Variants in DOCK1 observed in about 807,000 individuals in gnomAD.
DOCK1 encodes dedicator of cytokinesis protein 1.
Under a neutral mutation model 262.7 loss-of-function variants are expected in DOCK1, and 138 were observed. The ratio of observed to expected loss-of-function variants is 0.53; its 90% CI spans 0.46 to 0.61. The LOEUF is 0.61. Ranked by LOEUF, DOCK1 falls within the 20% of genes least tolerant of loss-of-function variation. The pLI is 0.00. For missense variants in DOCK1, 1,908 were observed against 2,370.7 expected (o/e 0.80, Z 4.05); for synonymous variants, 866 against 867.4 (o/e 1.00, Z 0.03).
chr10:127,050,202 G>A (rs56031648), intron 21 of DOCK1, among the ~76,000 whole-genome samples: 1 of 150,650 alleles, frequency 6.6e-6, no homozygotes, highest in Non-Finnish European at 1.5e-5. Context: ...TGGAATTCCT[G>A]GTGTCAAAGG....
chr10:127,164,223 A>T (rs2053875243), intron 27 of DOCK1, among the ~76,000 whole-genome samples: 1 of 113,008 alleles, frequency 8.8e-6, no homozygotes. Context: ...CTGCTCTGTC[A>T]CCCAGGCTGG....
intron 24 of DOCK1, among the ~76,000 whole-genome samples, chr10:127,109,863 C>T (rs151025393): frequency 7.6e-4 from 116 of 151,746 alleles, no homozygotes; most frequent in African/African-American, 2.7e-3. Flanking sequence ...TTCATTTTTT[C>T]TCGGGGAGGT....
intron 1 of DOCK1, among the ~76,000 whole-genome samples, chr10:126,909,775 A>T (rs1296365048): frequency 2.6e-5 from 4 of 152,246 alleles, no homozygotes; most frequent in Admixed American, 1.3e-4. Flanking sequence ...TGCGTTTAAG[A>T]TATGCCAAGT....
intron 13 of DOCK1, among the ~76,000 whole-genome samples, chr10:127,020,053 G>A (rs925313236): frequency 3.9e-5 from 6 of 152,028 alleles, no homozygotes; most frequent in Non-Finnish European, 5.9e-5. Flanking sequence ...TTGAATAGTC[G>A]GTCTGGTAAA....
intron 27 of DOCK1, among the ~76,000 whole-genome samples, chr10:127,155,460 G>C (rs188744483): frequency 6.6e-6 from 1 of 152,002 alleles, no homozygotes; most frequent in African/African-American, 2.4e-5. Context: ...TGTCTCTATC[G>C]TCTTTCCATC....
intron 27 of DOCK1, among the ~76,000 whole-genome samples, chr10:127,164,159 CTTTTTTTTTTTTTTTTTTTTTTTTTTT>C (rs528947051): frequency 9.4e-5 from 6 of 63,520 alleles, no homozygotes; most frequent in Non-Finnish European, 1.7e-4. Context: ...CATTTGCCTC[CTTTTTTTTTTTTTTTTTTTTTTTTTTT>C]TTTTTTTTTT....
chr10:127,004,436 A>T (rs997827053), intron 10 of DOCK1, among the ~76,000 whole-genome samples: 1 of 151,982 alleles, frequency 6.6e-6, no homozygotes, highest in African/African-American at 2.4e-5. Context: ...ATATGAGAAA[A>T]ATCTTGCGAG....
Position 126,987,544 on chromosome 10 carries a change from G to C in DOCK1, c.251G>C (p.Gly84Ala). 1 of 1,580,714 alleles carries C rather than the reference G, an allele frequency of 6.3e-7. No individual in the cohort carries two copies. The highest frequency in any genetic ancestry group is 8.6e-7 in the Non-Finnish European group (1 of 1,163,172). The change falls in exon 5 of 52, where the codon GGT (glycine) becomes GCT (alanine). Residue 84 changes from glycine (G) to alanine (A), a missense_variant. Around this residue, in one of 9 missense-constraint regions of DOCK1, gnomAD observed 227 missense variants for 254.1 expected, o/e 0.89. Transcript: ENST00000623213. ...AGGCAACATGAAACAGTCATCCCGGGTGACCTCCCCCTCATCCAGGAAGTC... is the reference window on the plus strand; with the variant it reads ...AGGCAACATGAAACAGTCATCCCGGCTGACCTCCCCCTCATCCAGGAAGTC... ...GKGQHETVIPGDLPLIQEVTT... is the reference protein window; with the variant it reads ...GKGQHETVIPADLPLIQEVTT...
At chr10:127,329,111 A>G (rs1318196230) in intron 29 of DOCK1, among the ~76,000 whole-genome samples, 1 of 152,076 alleles carries the variant, frequency 6.6e-6, no homozygotes, top group Non-Finnish European at 1.5e-5. Flanking sequence ...CCCAAGCAGA[A>G]ACTCTCAACT....
chr10:127,095,333 G>C (rs2047843848), intron 23 of DOCK1, among the ~76,000 whole-genome samples: 1 of 152,262 alleles, frequency 6.6e-6, no homozygotes, highest in East Asian at 1.9e-4. Flanking sequence ...GACCCTTCCT[G>C]TTCTTTTATA....
intron 23 of DOCK1, among the ~76,000 whole-genome samples, chr10:127,097,079 T>C (rs2047952618): frequency 6.6e-6 from 1 of 152,152 alleles, no homozygotes; most frequent in African/African-American, 2.4e-5. Context: ...CACTCCAGCC[T>C]GGGCAACAGA....
At chr10:126,976,786 T>G (rs1591508600) in intron 2 of DOCK1, among the ~76,000 whole-genome samples, 1 of 151,764 alleles carries the variant, frequency 6.6e-6, no homozygotes. Context: ...CAGGCTGGAG[T>G]GCAGTGGCAT....
chr10:126,975,046 C>G (rs1389299347), intron 2 of DOCK1, among the ~76,000 whole-genome samples: 1 of 151,934 alleles, frequency 6.6e-6, no homozygotes, highest in African/African-American at 2.4e-5. Context: ...GTGAAGTGGC[C>G]TCTCGTTTGC....
At chr10:127,425,587 C>T (rs2068763857) in intron 46 of DOCK1, among the ~76,000 whole-genome samples, 1 of 152,190 alleles carries the variant, frequency 6.6e-6, no homozygotes. Flanking sequence ...AGGTGTAGCT[C>T]TTCCCAAACT....
intron 1 of DOCK1, among the ~76,000 whole-genome samples, chr10:126,908,815 G>C (rs532319225): frequency 6.6e-6 from 1 of 152,278 alleles, no homozygotes; most frequent in African/African-American, 2.4e-5. Flanking sequence ...TCACAGCCCA[G>C]TAGGCAGTTT....
chr10:127,101,903 C>T (rs550450878), intron 23 of DOCK1, among the ~76,000 whole-genome samples: 3 of 152,176 alleles, frequency 2.0e-5, no homozygotes, highest in Admixed American at 6.5e-5. Context: ...CCTGTGTGAA[C>T]GCTGGCTATT....
chr10:126,985,129 C>T (rs1263050577), intron 4 of DOCK1, among the ~76,000 whole-genome samples: 8 of 152,022 alleles, frequency 5.3e-5, no homozygotes, highest in African/African-American at 1.4e-4. Flanking sequence ...TACAGGCGCA[C>T]GCCACCATGC....
At chr10:126,911,786 T>C (rs114499535) in intron 1 of DOCK1, among the ~76,000 whole-genome samples, 9,639 of 152,236 alleles carry the variant, frequency 0.063, 727 homozygotes, top group African/African-American at 0.17. Context: ...TAATGTATCT[T>C]AAGGCAGTTT....
rs550344950 is a variant in DOCK1, at chr10:127,336,829, G to A, written c.3045-2177G>A. Among the ~76,000 whole-genome samples, 157 of 152,272 alleles carry A rather than the reference G, an allele frequency of 1.0e-3. 1 individual carries two copies. The highest frequency in any genetic ancestry group is 1.6e-3 in the Non-Finnish European group (106 of 68,026). ...GCTGGGATTACAGGCGTGAGCCACC[G>A]CGCCCAGCTGACATATTTCTTTAAG... is the stretch of plus-strand genomic sequence containing the variant. On this transcript the variant is annotated intron_variant, in intron 29 of 51. Coordinates refer to ENST00000623213, the MANE Select transcript of DOCK1 (RefSeq NM_001290223.2).
Sources: gnomAD v4.1 joint callset for allele counts (sites outside exome capture counted in the v4.1 genomes callset) on GRCh38, gnomAD v4.1.1 for gene constraint, gnomAD v4.1.1 regional missense constraint, MANE v1.5 for transcripts, NCBI Gene and HGNC (gene_info 2026-07-23, HGNC 2026-07-21) for gene names.